Variants in TEX101 observed in about 807,000 individuals in gnomAD.
The protein encoded by TEX101 is testis expressed 101.
In TEX101, 10 loss-of-function variants were observed where a neutral mutation model predicts 18.1. The observed-to-expected ratio is 0.55, with a 90% CI of 0.34 to 0.94. The LOEUF is 0.94. TEX101 is among the 40% of genes least tolerant of loss of function. The pLI is 0.02. For missense variants in TEX101, 259 were observed against 298.9 expected (o/e 0.87, Z 0.98); for synonymous variants, 94 against 114.8 (o/e 0.82, Z 1.16).
Position 43,418,149 on chromosome 19 carries a change from A to T in TEX101, c.521-19A>T. On this transcript the variant is annotated intron_variant, in intron 5 of 5. Transcript: ENST00000598265. Reference sequence around the variant, plus strand: ...TCCTAAAACATCTCTGTCTCTCCCGATCCTTCCTTGTTCTATAGGTGGCAT... The same window carrying T: ...TCCTAAAACATCTCTGTCTCTCCCGTTCCTTCCTTGTTCTATAGGTGGCAT... 1 of 1,613,784 alleles carries T rather than the reference A, an allele frequency of 6.2e-7. No homozygotes were observed. Among genetic ancestry groups the T allele is most frequent in the Non-Finnish European group, 8.5e-7 (1 of 1,179,762 alleles).
At position 43,403,027 on chromosome 19, in the gene TEX101, G is replaced by A. The variant is rs1970331571; in HGVS notation, c.-283+168G>A. On this transcript the variant is annotated intron_variant, in intron 2 of 7. Coordinates refer to the TEX101 transcript ENST00000602198. ...AAACAAAAGATAGAAATAATGATCT[G>A]GACAGATGCAAAACAGCATGCGTTA... Among the ~76,000 whole-genome samples the A allele has an allele frequency of 3.9e-5, 6 of 152,260 alleles. No individual in the cohort carries two copies. The South Asian group carries it at 1.2e-3, about 32-fold the overall frequency.
At chr19:43,413,940 G>C (rs923702826), upstream of TEX101, among the ~76,000 whole-genome samples, 1 of 151,600 alleles carries the variant, frequency 6.6e-6, no homozygotes, top group African/African-American at 2.4e-5. Flanking sequence ...GGGGGATAGA[G>C]AGAGGCTCTG....
upstream of TEX101, among the ~76,000 whole-genome samples, chr19:43,399,522 A>AATG (rs1970301366): frequency 6.6e-6 from 1 of 152,058 alleles, no homozygotes; most frequent in Admixed American, 6.6e-5. Flanking sequence ...ATTTTTCTCT[A>AATG]ATGAAGAAAA....
chr19:43,405,363 G>A (rs544252105), intron 2 of TEX101, among the ~76,000 whole-genome samples: 39 of 151,962 alleles, frequency 2.6e-4, no homozygotes, highest in African/African-American at 8.9e-4. Context: ...GAGGTCAGGA[G>A]TTGTCTACCA....
intron 2 of TEX101, among the ~76,000 whole-genome samples, chr19:43,403,580 T>C (rs1449206277): frequency 6.6e-6 from 1 of 151,888 alleles, no homozygotes; most frequent in Non-Finnish European, 1.5e-5. Flanking sequence ...ACTTAAAGTA[T>C]AATAATAATT....
At chr19:43,418,040 G>C (rs1390319798) in intron 5 of TEX101, 34 bp downstream of exon 5, 3 of 1,614,010 alleles carry the variant, frequency 1.9e-6, no homozygotes, top group South Asian at 1.1e-5. Context: ...AGTTTCAGAG[G>C]CTGGAAAACC....
intron 3 of TEX101, among the ~76,000 whole-genome samples, chr19:43,407,895 T>C (rs1227442576): frequency 1.3e-5 from 2 of 152,140 alleles, no homozygotes; most frequent in East Asian, 3.9e-4. Flanking sequence ...GGCCCATTCG[T>C]GGGGAACCTG....
intron 2 of TEX101, among the ~76,000 whole-genome samples, chr19:43,403,585 ATAATT>A (rs1211164147): frequency 6.6e-6 from 1 of 152,148 alleles, no homozygotes; most frequent in Non-Finnish European, 1.5e-5. Flanking sequence ...AAGTATAATA[ATAATT>A]TAAAAAAGGA....
chr19:43,392,326 C>T, the TEX101 span, among the ~76,000 whole-genome samples: 6 of 151,902 alleles, frequency 3.9e-5, no homozygotes, highest in African/African-American at 1.5e-4. Context: ...CAAGAGAGGA[C>T]CCAGGCTTGT....
chr19:43,392,622 C>G, the TEX101 span, among the ~76,000 whole-genome samples: 1 of 151,776 alleles, frequency 6.6e-6, no homozygotes, highest in Non-Finnish European at 1.5e-5. Flanking sequence ...TGGGGCCACA[C>G]AAAATCAGAA....
rs139366540 is a variant in TEX101, at chr19:43,403,895, C to T, written c.-283+1036C>T. On this transcript the variant is annotated intron_variant, in intron 2 of 7. Transcript: ENST00000602198. ...TCTACTAAAAATGCAAAAAATTAGC[C>T]GGGCATGGTGGCGGGCACCTGTAGT... 7.2e-4 allele frequency among the ~76,000 whole-genome samples: 110 copies of T among 151,866 alleles called. 1 individual carries two copies. In the East Asian group the frequency reaches 0.019, roughly 27 times the overall value.
chr19:43,403,480 T>C (rs1970335185), intron 2 of TEX101, among the ~76,000 whole-genome samples: 1 of 152,126 alleles, frequency 6.6e-6, no homozygotes, highest in African/African-American at 2.4e-5. Context: ...AAATACCTAA[T>C]GTAAATGACA....
At chr19:43,404,893 A>G (rs1330118828) in intron 2 of TEX101, among the ~76,000 whole-genome samples, 1 of 152,162 alleles carries the variant, frequency 6.6e-6, no homozygotes, top group African/African-American at 2.4e-5. Context: ...AAATAGAGAC[A>G]CTTCATCAAC....
upstream of TEX101, among the ~76,000 whole-genome samples, chr19:43,401,106 C>T (rs75028208): frequency 0.019 from 2,928 of 152,174 alleles, 37 homozygotes; most frequent in Non-Finnish European, 0.033. Context: ...AATTGCCAAT[C>T]CAAGCCTCAA....
chr19:43,414,735 A>G (rs1217515012), upstream of TEX101: 1 of 693,396 alleles, frequency 1.4e-6, no homozygotes, highest in Non-Finnish European at 1.8e-6. Flanking sequence ...CCTTCCGAGC[A>G]TGCGCACCCT....
upstream of TEX101, among the ~76,000 whole-genome samples, chr19:43,397,431 C>T (rs932941384): frequency 1.5e-4 from 23 of 148,756 alleles, no homozygotes; most frequent in Non-Finnish European, 2.8e-4. Context: ...TCTGATGCCA[C>T]CAAGTTACTT....
chr19:43,408,522 AG>A (rs2122330962), intron 3 of TEX101, among the ~76,000 whole-genome samples: 1 of 151,642 alleles, frequency 6.6e-6, no homozygotes, highest in African/African-American at 2.4e-5. Context: ...ATAAATGGCG[AG>A]TTGGGGGTGG....
intron 2 of TEX101, among the ~76,000 whole-genome samples, chr19:43,403,082 C>G (rs1467040093): frequency 6.6e-6 from 1 of 152,100 alleles, no homozygotes; most frequent in African/African-American, 2.4e-5. Flanking sequence ...TGCCATCTGG[C>G]GATAAAGAGT....
At chr19:43,406,081 C>CAA (rs34029449) in intron 2 of TEX101, 1,114 of 58,750 alleles carry the variant, frequency 0.019, 76 homozygotes, top group African/African-American at 0.047. Context: ...CCTGTCTCTA[C>CAA]AAAAAAAAAA....
Sources: allele counts gnomAD v4.1 joint callset (sites outside exome capture counted in the v4.1 genomes callset), GRCh38; gene constraint gnomAD v4.1.1; transcripts MANE v1.5; gene names NCBI Gene and HGNC (gene_info 2026-07-23, HGNC 2026-07-21).